The following RAD51 variants were observed in gnomAD, a reference collection of about 807,000 sequenced individuals.
RAD51 encodes DNA repair protein RAD51 homolog 1.
In RAD51, 14 loss-of-function variants were observed where a neutral mutation model predicts 41.5. The observed-to-expected ratio is 0.34, with a 90% CI of 0.22 to 0.53. The LOEUF (loss-of-function observed/expected upper bound fraction) is 0.53, where lower values mean the gene tolerates loss of function less well. RAD51 is among the 20% of genes least tolerant of loss of function. The pLI is 0.95. For synonymous variants in RAD51, 136 were observed against 148.6 expected (o/e 0.92, Z 0.62); for missense variants, 234 against 422.0 (o/e 0.55, Z 3.90).
chr15:40,708,284 A>T (rs1451155528), intron 4 of RAD51, among the ~76,000 whole-genome samples: 1 of 140,666 alleles, frequency 7.1e-6, no homozygotes, highest in African/African-American at 2.7e-5. Flanking sequence ...GCTGGAGTGC[A>T]GTGGCGTGAT....
At chr15:40,706,612 G>A (rs1308527812) in intron 4 of RAD51, among the ~76,000 whole-genome samples, 1 of 152,180 alleles carries the variant, frequency 6.6e-6, no homozygotes, top group Non-Finnish European at 1.5e-5. Flanking sequence ...AGAGGCAGGA[G>A]AATCACTTGA....
intron 3 of RAD51, among the ~76,000 whole-genome samples, chr15:40,703,700 T>C (rs1295456663): frequency 6.6e-6 from 1 of 152,162 alleles, no homozygotes; most frequent in Non-Finnish European, 1.5e-5. Context: ...TTTAGTAATT[T>C]GAGTCTTTTC....
intron 2 of RAD51, 58 bp downstream of exon 2, chr15:40,698,903 G>A (rs1380105754): frequency 1.3e-6 from 2 of 1,514,194 alleles, no homozygotes; most frequent in Non-Finnish European, 1.8e-6. Context: ...CCTAGTGGAA[G>A]GTATTACAAC....
chr15:40,724,780 G>A (rs545957053), intron 6 of RAD51, among the ~76,000 whole-genome samples: 2 of 142,786 alleles, frequency 1.4e-5, no homozygotes, highest in South Asian at 2.3e-4. Flanking sequence ...CCAGGTTCAC[G>A]CCATTCTCCT....
chr15:40,720,554 A>G (rs763633879), intron 6 of RAD51, among the ~76,000 whole-genome samples: 3 of 152,194 alleles, frequency 2.0e-5, no homozygotes, highest in Non-Finnish European at 2.9e-5. Context: ...ACTATTTGCT[A>G]ATGACATGGT....
intron 6 of RAD51, among the ~76,000 whole-genome samples, chr15:40,721,439 G>T (rs1896266576): frequency 1.3e-5 from 2 of 152,138 alleles, no homozygotes; most frequent in Admixed American, 1.3e-4. Context: ...GGATAAATAT[G>T]GAGAGTTCGG....
chr15:40,698,821 C>G lies in RAD51; in HGVS notation c.63C>G (p.Gly21=). 1 of 1,614,078 alleles carries G rather than the reference C, an allele frequency of 6.2e-7. No individual in the cohort carries two copies. The highest frequency in any genetic ancestry group is 1.3e-5 in the African/African-American group (1 of 75,036). The change falls in exon 2 of 10, where the codon GGC becomes GGG. Residue 21 remains glycine, a synonymous_variant. Transcript: ENST00000267868. Reference sequence around the variant, plus strand: ...CTTCAGTGGAAGAAGAAAGCTTTGGCCCACAACCCATTTCACGGTTAGAGG... The same window carrying G: ...CTTCAGTGGAAGAAGAAAGCTTTGGGCCACAACCCATTTCACGGTTAGAGG... ...ADTSVEEESF[G]PQPISRLEQC...
chr15:40,719,272 T>C (rs938862153), intron 6 of RAD51, among the ~76,000 whole-genome samples: 1 of 151,426 alleles, frequency 6.6e-6, no homozygotes, highest in African/African-American at 2.4e-5. Context: ...TTGGCCAGGC[T>C]GGTCTCAGAC....
At chr15:40,696,104 C>T (rs1392571674) in intron 1 of RAD51, among the ~76,000 whole-genome samples, 1 of 152,088 alleles carries the variant, frequency 6.6e-6, no homozygotes, top group Non-Finnish European at 1.5e-5. Flanking sequence ...TCTCGAACTT[C>T]TGACCTCAGG....
chr15:40,729,101 G>A (rs45452393), intron 7 of RAD51, among the ~76,000 whole-genome samples: 4 of 152,070 alleles, frequency 2.6e-5, no homozygotes, highest in Admixed American at 1.3e-4. Flanking sequence ...GGCCGGGCGC[G>A]GTGGCTCAAG....
rs1896891116 is a variant in RAD51, at chr15:40,731,864, A to C, written c.*686A>C. ...GAGGCCGAGGCAGGTGGATCGCTTG[A>C]GCCCAGGAGTTTTAAGTCCAGCTTG... On this transcript the variant is annotated 3_prime_UTR_variant, in exon 10 of 10. Transcript: ENST00000267868. 1 of 212,490 alleles carries C rather than the reference A, an allele frequency of 4.7e-6. No individual in the cohort carries two copies. Among genetic ancestry groups the C allele is most frequent in the East Asian group, 7.1e-5 (1 of 14,010 alleles). 13.2% of individuals were successfully genotyped at this position (212,490 alleles called of 1,614,324 possible). A position where few individuals can be genotyped will look rare whatever the true frequency, so the allele number is the denominator to read the frequency against.
At chr15:40,710,271 G>GAA (rs1895627420) in intron 5 of RAD51, among the ~76,000 whole-genome samples, 1 of 66,028 alleles carries the variant, frequency 1.5e-5, no homozygotes, top group African/African-American at 6.1e-5. Context: ...AAAAAAAAAA[G>GAA]AAGAAGAAAA....
At chr15:40,729,328 G>A (rs893084377) in intron 7 of RAD51, among the ~76,000 whole-genome samples, 177 bp from the exon 8 acceptor site, 14 of 128,138 alleles carry the variant, frequency 1.1e-4, no homozygotes, top group Admixed American at 7.1e-4. Flanking sequence ...AGCCAAGAAT[G>A]CCCCACTGCA....
In RAD51 at chr15:40,728,725, G is replaced by A; in HGVS notation, c.545G>A (p.Gly182Asp). 6.2e-7 allele frequency: 1 copy of A among 1,613,844 alleles called. No individual in the cohort carries two copies. Among genetic ancestry groups the A allele is most frequent in the East Asian group, 2.2e-5 (1 of 44,870 alleles). Reference sequence around the variant, plus strand: ...CTCTCTCATAGGTATGGTCTCTCTGGCAGTGATGTCCTGGATAATGTAGCA... The same window carrying A: ...CTCTCTCATAGGTATGGTCTCTCTGACAGTGATGTCCTGGATAATGTAGCA... Reference protein sequence around the residue: ...LAVAERYGLSGSDVLDNVAYA... With the variant: ...LAVAERYGLSDSDVLDNVAYA... Residue 182 changes from glycine to aspartate, a missense_variant, in exon 7 of 10, where the codon GGC (glycine) becomes GAC (aspartate). Coordinates refer to ENST00000267868, the MANE Select transcript of RAD51 (RefSeq NM_002875.5).
At chr15:40,720,622 T>C (rs1438731731) in intron 6 of RAD51, among the ~76,000 whole-genome samples, 1 of 152,022 alleles carries the variant, frequency 6.6e-6, no homozygotes, top group Non-Finnish European at 1.5e-5. Flanking sequence ...ACTAAATAAC[T>C]GTTCAGCAAA....
At chr15:40,722,178 G>A (rs748269935) in intron 6 of RAD51, among the ~76,000 whole-genome samples, 1 of 152,136 alleles carries the variant, frequency 6.6e-6, no homozygotes, top group Non-Finnish European at 1.5e-5. Context: ...TTGGGAGGCC[G>A]AGGCAGGTGG....
intron 3 of RAD51, 70 bp downstream of exon 3, chr15:40,701,271 T>G: frequency 6.5e-7 from 1 of 1,527,924 alleles, no homozygotes; most frequent in Non-Finnish European, 9.1e-7. Flanking sequence ...AGTGAAAGAC[T>G]TCTTCCTTCT....
intron 7 of RAD51, 38 bp from the exon 8 acceptor site, chr15:40,729,467 G>T (rs781484536): frequency 6.2e-7 from 1 of 1,607,786 alleles, no homozygotes; most frequent in Non-Finnish European, 8.5e-7. Context: ...TCTGACACAG[G>T]CTAGAAATAG....
intron 1 of RAD51, among the ~76,000 whole-genome samples, chr15:40,697,511 A>C (rs980099900): frequency 6.6e-6 from 1 of 152,078 alleles, no homozygotes; most frequent in Non-Finnish European, 1.5e-5. Context: ...TTGTGAAAAT[A>C]ATAAGTGTTA....
Sources: allele counts gnomAD v4.1 joint callset (sites outside exome capture counted in the v4.1 genomes callset), GRCh38; gene constraint gnomAD v4.1.1; transcripts MANE v1.5; gene names NCBI Gene and HGNC (gene_info 2026-07-23, HGNC 2026-07-21).